Variants in MAPK4 observed in about 807,000 individuals in gnomAD.
The protein encoded by MAPK4 is Erk3-related.
In MAPK4, 22 loss-of-function variants were observed where a neutral mutation model predicts 47.7. The ratio of observed to expected loss-of-function variants is 0.46; its 90% confidence interval spans 0.33 to 0.66. The LOEUF (loss-of-function observed/expected upper bound fraction) is 0.66, where lower values mean the gene tolerates loss of function less well. Ranked by LOEUF, MAPK4 falls within the 30% of genes least tolerant of loss-of-function variation. The probability of loss-of-function intolerance (pLI) is 0.02; values close to 1 mark genes in which losing one functional copy is unlikely to be tolerated. For synonymous variants in MAPK4, 390 were observed against 365.7 expected (o/e 1.07, Z -0.76); for missense variants, 736 against 831.7 (o/e 0.88, Z 1.42).
chr18:50,571,432 T>C (rs1391589753), intron 1 of MAPK4, among the ~76,000 whole-genome samples: 1 of 152,214 alleles, frequency 6.6e-6, no homozygotes, highest in African/African-American at 2.4e-5. Flanking sequence ...TCCTAGAAGA[T>C]GTGCCCTTCC....
intron 2 of MAPK4, among the ~76,000 whole-genome samples, chr18:50,680,247 ACG>A (rs1378207289): frequency 6.6e-6 from 1 of 151,460 alleles, no homozygotes; most frequent in Non-Finnish European, 1.5e-5. Context: ...GCCCACCACC[ACG>A]CCCAGCTGAT....
intron 1 of MAPK4, among the ~76,000 whole-genome samples, chr18:50,580,490 T>G (rs2042333978): frequency 6.6e-6 from 1 of 152,216 alleles, no homozygotes; most frequent in Non-Finnish European, 1.5e-5. Context: ...CTTTTGCTAA[T>G]GACATGCCCA....
chr18:50,617,963 C>T (rs2042698966), intron 1 of MAPK4, among the ~76,000 whole-genome samples: 1 of 152,226 alleles, frequency 6.6e-6, no homozygotes, highest in South Asian at 2.1e-4. Flanking sequence ...ACAGGGAACT[C>T]ACTGCTTTAT....
intron 1 of MAPK4, among the ~76,000 whole-genome samples, chr18:50,567,487 CA>C (rs1171627672): frequency 2.0e-5 from 3 of 152,078 alleles, no homozygotes; most frequent in Admixed American, 6.5e-5. Flanking sequence ...GTATACATTC[CA>C]AAGAGTGAAA....
At chr18:50,668,075 A>T (rs1907705432) in intron 2 of MAPK4, among the ~76,000 whole-genome samples, 1 of 152,176 alleles carries the variant, frequency 6.6e-6, no homozygotes, top group South Asian at 2.1e-4. Flanking sequence ...ACCTATTTAC[A>T]TTTACTGTAA....
chr18:50,685,464 G>A (rs979913693), intron 2 of MAPK4, among the ~76,000 whole-genome samples: 34 of 152,332 alleles, frequency 2.2e-4, no homozygotes, highest in African/African-American at 6.5e-4. Context: ...TCCAGCGGGG[G>A]CCCAATGGAC....
intron 1 of MAPK4, among the ~76,000 whole-genome samples, chr18:50,581,574 G>A (rs1245704021): frequency 6.6e-6 from 1 of 152,220 alleles, no homozygotes; most frequent in Non-Finnish European, 1.5e-5. Context: ...AGATGAAGGG[G>A]AATTATGCTC....
At chr18:50,705,752 C>T (rs1910016048) in intron 2 of MAPK4, 1 of 152,202 alleles carries the variant, frequency 6.6e-6, no homozygotes. Context: ...GTGGCTCGCC[C>T]CTTGACTCAC....
At chr18:50,561,236 G>C (rs1290337541) in intron 1 of MAPK4, among the ~76,000 whole-genome samples, 1 of 152,244 alleles carries the variant, frequency 6.6e-6, no homozygotes, top group Admixed American at 6.5e-5. Flanking sequence ...TCCATTCATG[G>C]ATCTGTGCCT....
chr18:50,605,337 T>A (rs1047493703), intron 1 of MAPK4, among the ~76,000 whole-genome samples: 1 of 152,138 alleles, frequency 6.6e-6, no homozygotes, highest in Non-Finnish European at 1.5e-5. Context: ...AGCAGAGGGC[T>A]CCCAGGAAGA....
At chr18:50,560,469 C>T (rs2042142952) in intron 1 of MAPK4, among the ~76,000 whole-genome samples, 1 of 151,780 alleles carries the variant, frequency 6.6e-6, no homozygotes, top group Non-Finnish European at 1.5e-5. Flanking sequence ...GAGCTCCTCG[C>T]CTGCAGACCG....
intron 1 of MAPK4, among the ~76,000 whole-genome samples, chr18:50,613,076 T>C (rs758708608): frequency 1.1e-4 from 16 of 152,162 alleles, no homozygotes; most frequent in Non-Finnish European, 2.1e-4. Flanking sequence ...GGCAAACACA[T>C]CCTAAGGTGA....
intron 3 of MAPK4, among the ~76,000 whole-genome samples, chr18:50,718,594 G>A (rs578083057): frequency 5.8e-4 from 89 of 152,308 alleles, no homozygotes; most frequent in African/African-American, 2.1e-3. Context: ...AAGGAGTAAT[G>A]AGAGACCCAG....
chr18:50,631,027 C>T (rs2042824628), intron 1 of MAPK4, among the ~76,000 whole-genome samples: 1 of 152,222 alleles, frequency 6.6e-6, no homozygotes, highest in Non-Finnish European at 1.5e-5. Flanking sequence ...CACTCACAGT[C>T]CTTTCACAGT....
chr18:50,675,709 C>G (rs186684069), intron 2 of MAPK4, among the ~76,000 whole-genome samples: 1,881 of 152,248 alleles, frequency 0.012, 44 homozygotes, highest in African/African-American at 0.043. Flanking sequence ...CCAGGATGGT[C>G]TTGATCTCTT....
chr18:50,614,774 G>A (rs1461213051), intron 1 of MAPK4, among the ~76,000 whole-genome samples: 2 of 152,106 alleles, frequency 1.3e-5, no homozygotes, highest in African/African-American at 4.8e-5. Context: ...TAACTCTTGT[G>A]GTTATCACAC....
chr18:50,709,897 C>T (rs866823926), intron 2 of MAPK4, among the ~76,000 whole-genome samples: 2 of 152,196 alleles, frequency 1.3e-5, no homozygotes, highest in Admixed American at 1.3e-4. Flanking sequence ...ATTAACATTT[C>T]ATCTCTCTAA....
In MAPK4 at chr18:50,664,967, G is replaced by A. The variant is rs1331212247; in HGVS notation, c.546+463G>A. ...TCATCCCATCCAAGCTGACCCATTC[G>A]GTGTCCATTTCTCTCAGTCAGTGGA... On this transcript the variant is annotated intron_variant, in intron 2 of 5. Transcript: ENST00000400384. This position sits in a 1 kb window ranked among gnomAD's most constrained non-coding sequence, Gnocchi z 6.0. Among the ~76,000 whole-genome samples, 2 of 152,066 alleles carry A rather than the reference G, an allele frequency of 1.3e-5. No homozygotes were observed. The highest frequency in any genetic ancestry group is 1.9e-4 in the East Asian group (1 of 5,176).
chr18:50,676,666 A>C (rs1192022982), intron 2 of MAPK4, among the ~76,000 whole-genome samples: 1 of 152,236 alleles, frequency 6.6e-6, no homozygotes, highest in African/African-American at 2.4e-5. Flanking sequence ...AACCCAATGC[A>C]TGAAAATCTA....
Sources: allele counts gnomAD v4.1 joint callset (sites outside exome capture counted in the v4.1 genomes callset), GRCh38; gene constraint gnomAD v4.1.1; non-coding constraint Gnocchi (gnomAD v3.1); transcripts MANE v1.5; gene names NCBI Gene and HGNC (gene_info 2026-07-23, HGNC 2026-07-21).